Variants in PRKG1 observed in about 807,000 individuals in gnomAD.
The protein encoded by PRKG1 is cGMP-dependent protein kinase 1.
In PRKG1, 35 loss-of-function variants were observed where a neutral mutation model predicts 88.1. The observed-to-expected ratio is 0.40, with a 90% confidence interval of 0.30 to 0.53. PRKG1 has a LOEUF of 0.53. PRKG1 is among the 20% of genes least tolerant of loss of function. The pLI is 0.59. For synonymous variants in PRKG1, 303 were observed against 292.5 expected (o/e 1.04, Z -0.37); for missense variants, 540 against 839.8 (o/e 0.64, Z 4.41).
intron 2 of PRKG1, among the ~76,000 whole-genome samples, chr10:51,247,997 T>C (rs570752690): frequency 6.6e-6 from 1 of 152,000 alleles, no homozygotes; most frequent in Non-Finnish European, 1.5e-5. Context: ...ACTGTGTCTG[T>C]TAACAACAAC....
At chr10:52,030,515 G>A (rs1157086912) in intron 5 of PRKG1, among the ~76,000 whole-genome samples, 1 of 152,134 alleles carries the variant, frequency 6.6e-6, no homozygotes, top group East Asian at 1.9e-4. Flanking sequence ...TCACATGATG[G>A]TTTTCTTCAA....
intron 2 of PRKG1, among the ~76,000 whole-genome samples, chr10:51,182,391 AG>A (rs1837370761): frequency 6.6e-6 from 1 of 152,230 alleles, no homozygotes; most frequent in Non-Finnish European, 1.5e-5. Flanking sequence ...AAAGGCCAAC[AG>A]GTTCCTGTAT....
At chr10:51,574,010 A>G (rs1837822585) in intron 3 of PRKG1, among the ~76,000 whole-genome samples, 1 of 151,980 alleles carries the variant, frequency 6.6e-6, no homozygotes, top group Non-Finnish European at 1.5e-5. Context: ...TCACACATGT[A>G]AAAATGTATG....
chr10:51,620,784 C>A (rs1327069286), intron 3 of PRKG1, among the ~76,000 whole-genome samples: 1 of 151,668 alleles, frequency 6.6e-6, no homozygotes, highest in Non-Finnish European at 1.5e-5. Flanking sequence ...AAAAGTGAAG[C>A]ACAAATAAAT....
chr10:51,078,395 T>A (rs547177597), intron 1 of PRKG1, among the ~76,000 whole-genome samples: 2 of 147,034 alleles, frequency 1.4e-5, no homozygotes, highest in African/African-American at 5.0e-5. Context: ...ATTTTTTTTT[T>A]TTTTTTTTTT....
intron 2 of PRKG1, among the ~76,000 whole-genome samples, chr10:51,157,020 T>G (rs1026880602): frequency 1.3e-5 from 2 of 151,978 alleles, no homozygotes; most frequent in African/African-American, 4.8e-5. Context: ...AATTAAGTGG[T>G]CTTCATAAAA....
chr10:51,454,109 T>G (rs1236352241), intron 2 of PRKG1, among the ~76,000 whole-genome samples: 1 of 151,828 alleles, frequency 6.6e-6, no homozygotes, highest in Non-Finnish European at 1.5e-5. Context: ...CACAAACAAA[T>G]GGAAACACAT....
intron 7 of PRKG1, among the ~76,000 whole-genome samples, chr10:52,114,472 C>T (rs1238349843): frequency 6.6e-6 from 1 of 151,198 alleles, no homozygotes; most frequent in Non-Finnish European, 1.5e-5. Flanking sequence ...TCCTTTCAAA[C>T]AATCCTTTAA....
At chr10:51,941,070 A>C (rs913929831) in intron 5 of PRKG1, among the ~76,000 whole-genome samples, 9 of 151,974 alleles carry the variant, frequency 5.9e-5, no homozygotes, top group Admixed American at 5.9e-4. Context: ...TTCAGGATCC[A>C]TCCATTGTAA....
intron 2 of PRKG1, among the ~76,000 whole-genome samples, chr10:51,435,284 A>G (rs969585829): frequency 3.3e-5 from 5 of 151,964 alleles, no homozygotes; most frequent in African/African-American, 1.2e-4. Flanking sequence ...ATTGATCTTT[A>G]TAAGTAGTGT....
rs575005418 is a variant in PRKG1, at chr10:52,143,026, A to T, written c.1001+9121A>T. On this transcript the variant is annotated intron_variant, in intron 8 of 17. Coordinates refer to ENST00000373980, the MANE Select transcript of PRKG1 (RefSeq NM_006258.4). The stretch of plus-strand genomic sequence containing the variant: ...GTCTGAATCTAATCAGCATATAGTA[A>T]TTTGAGCAGCAAAGTGTTATGATAA... Among the ~76,000 whole-genome samples, 18 of 129,534 alleles carry T rather than the reference A, an allele frequency of 1.4e-4. No homozygotes were observed. The South Asian group carries it at 5.1e-3, about 37-fold the overall frequency. 85.0% of individuals were successfully genotyped at this position (129,534 alleles called of 152,430 possible). A position where few individuals can be genotyped will look rare whatever the true frequency, so the allele number is the denominator to read the frequency against.
At chr10:52,252,499 C>G (rs1296181388) in intron 10 of PRKG1, 1 of 152,068 alleles carries the variant, frequency 6.6e-6, no homozygotes, top group Non-Finnish European at 1.5e-5. Flanking sequence ...TTCCTGATAT[C>G]AGACACCAGT....
intron 3 of PRKG1, among the ~76,000 whole-genome samples, chr10:51,518,404 A>G (rs1221957760): frequency 6.6e-6 from 1 of 152,184 alleles, no homozygotes; most frequent in Non-Finnish European, 1.5e-5. Context: ...TAGGATTATC[A>G]AACCACACAA....
intron 3 of PRKG1, among the ~76,000 whole-genome samples, chr10:51,625,244 G>A (rs183601424): frequency 6.6e-6 from 1 of 152,148 alleles, no homozygotes. Flanking sequence ...TTGGGAGGCT[G>A]AGCGGGTGGA....
chr10:52,259,310 C>A (rs951966269), intron 10 of PRKG1, among the ~76,000 whole-genome samples: 3 of 151,910 alleles, frequency 2.0e-5, no homozygotes, highest in African/African-American at 7.3e-5. Context: ...TATTTTGTAC[C>A]ACAGTGCAGT....
intron 2 of PRKG1, among the ~76,000 whole-genome samples, chr10:51,200,296 T>C (rs909908574): frequency 1.3e-5 from 2 of 152,202 alleles, no homozygotes; most frequent in Non-Finnish European, 2.9e-5. Flanking sequence ...GCAAAACTAG[T>C]GTGTATCTTT....
chr10:51,866,806 T>C (rs1417828006), intron 4 of PRKG1, among the ~76,000 whole-genome samples: 1 of 152,216 alleles, frequency 6.6e-6, no homozygotes, highest in Admixed American at 6.5e-5. Context: ...TCATTCAGTG[T>C]TCCTGAAAAC....
rs888531404 is a variant in PRKG1 at position 51,570,057 on chromosome 10, A to G, written c.592+102221A>G. 2.8e-5 allele frequency among the ~76,000 whole-genome samples: 4 copies of G among 145,074 alleles called. 1 individual carries two copies. The highest frequency in any genetic ancestry group is 1.1e-4 in the African/African-American group (4 of 37,126). ...TACAATCACCCAAACTAGTATATATATATATATATATGTGTGTGTGTGTTT... is the reference window on the plus strand; with the variant it reads ...TACAATCACCCAAACTAGTATATATGTATATATATATGTGTGTGTGTGTTT... On this transcript the variant is annotated intron_variant, in intron 3 of 17. Coordinates refer to ENST00000373980, the MANE Select transcript of PRKG1 (RefSeq NM_006258.4).
chr10:51,489,759 C>A (rs541498551), intron 3 of PRKG1, among the ~76,000 whole-genome samples: 1 of 151,948 alleles, frequency 6.6e-6, no homozygotes, highest in African/African-American at 2.4e-5. Context: ...GGGTAGGGAA[C>A]AAAATTGGAT....
Sources: gnomAD v4.1 joint callset for allele counts (sites outside exome capture counted in the v4.1 genomes callset) on GRCh38, gnomAD v4.1.1 for gene constraint, MANE v1.5 for transcripts, NCBI Gene and HGNC (gene_info 2026-07-23, HGNC 2026-07-21) for gene names.